KDM2B: variants seen among roughly 807,000 people sequenced by gnomAD.
The protein encoded by KDM2B is lysine demethylase 2B.
Under a neutral mutation model 150.0 loss-of-function variants are expected in KDM2B, and 26 were observed. The observed-to-expected ratio is 0.17, with a 90% CI of 0.13 to 0.24. KDM2B has a LOEUF of 0.24. KDM2B is among the 10% of genes least tolerant of loss of function. The pLI is 1.00. For synonymous variants in KDM2B, 734 were observed against 729.5 expected (o/e 1.01, Z -0.10); for missense variants, 1,265 against 1,816.9 (o/e 0.70, Z 5.52).
At chr12:121,510,660 A>G (rs1363704927) in intron 10 of KDM2B, among the ~76,000 whole-genome samples, 1 of 151,930 alleles carries the variant, frequency 6.6e-6, no homozygotes, top group East Asian at 1.9e-4. Flanking sequence ...GGGTGTGATG[A>G]TGTGCACCTG....
In KDM2B at chr12:121,518,040, A is replaced by T. The variant is rs71454698; in HGVS notation, c.1047+2945T>A. Among the ~76,000 whole-genome samples, 1 of 151,042 alleles carries T rather than the reference A, an allele frequency of 6.6e-6. No homozygotes were observed. The highest frequency in any genetic ancestry group is 1.5e-5 in the Non-Finnish European group (1 of 67,764). On this transcript the variant is annotated intron_variant, in intron 9 of 22. Coordinates refer to ENST00000377071, the MANE Select transcript of KDM2B (RefSeq NM_032590.5). This position sits in a 1 kb window ranked among gnomAD's most constrained non-coding sequence, Gnocchi z 4.4. ...CCTGAGTAGCTGGGATTACAGGCAC[A>T]CACCACCATGCTCGGCTAATTTTTG...
intron 12 of KDM2B, among the ~76,000 whole-genome samples, chr12:121,463,979 CT>C (rs1879472483): frequency 6.6e-6 from 1 of 151,658 alleles, no homozygotes; most frequent in African/African-American, 2.4e-5. Flanking sequence ...AATCCCAACA[CT>C]TTGGAAAGCC....
Position 121,462,546 on chromosome 12 carries a change from T to G in KDM2B, c.1735-9202A>C, listed in dbSNP as rs1019309557. On this transcript the variant is annotated intron_variant, in intron 12 of 22. Transcript: ENST00000377071. Reference sequence around the variant, plus strand: ...TCTCGTACTGTTGCCTGGGCTAGAGTGCAGTGGCACAATCTCAGCTCACTG... The same window carrying G: ...TCTCGTACTGTTGCCTGGGCTAGAGGGCAGTGGCACAATCTCAGCTCACTG... 2.0e-5 allele frequency among the ~76,000 whole-genome samples: 3 copies of G among 151,316 alleles called. No homozygotes were observed. In the Admixed American group the frequency reaches 2.0e-4, roughly 10 times the overall value.
intron 11 of KDM2B, 139 bp downstream of exon 11, chr12:121,509,428 G>A: frequency 1.4e-6 from 2 of 1,438,806 alleles, no homozygotes; most frequent in Non-Finnish European, 1.8e-6. Context: ...TGAGACCCCA[G>A]AAGCCCCCTC....
intron 4 of KDM2B, among the ~76,000 whole-genome samples, chr12:121,555,063 G>A (rs1479618463): frequency 6.6e-6 from 1 of 152,132 alleles, no homozygotes; most frequent in African/African-American, 2.4e-5. Context: ...GCAGACACCA[G>A]TATTCCCAGC....
At position 121,578,805 on chromosome 12, in the gene KDM2B, T is replaced by G; in HGVS notation, c.268A>C (p.Lys90Gln). 1 of 1,565,532 alleles carries G rather than the reference T, an allele frequency of 6.4e-7. No homozygotes were observed. Among genetic ancestry groups the G allele is most frequent in the Non-Finnish European group, 8.7e-7 (1 of 1,151,752 alleles). The part of the protein sequence containing the change: ...QGDFVHAMEG[K>Q]DFNYEYVQRE... The stretch of plus-strand genomic sequence containing the variant: ...GCCCGGGGTGGGGGCGCCTCACCTT[T>G]GCCCTCCATGGCGTGCACGAAGTCC... Residue 90 changes from lysine (K) to glutamine (Q), a missense_variant, in exon 2 of 23, where the codon AAA becomes CAA. By Grantham distance (53) the Lys-to-Gln change is moderately conservative. This residue lies in a region of KDM2B where 214 missense variants were observed against 447.4 expected (regional missense o/e 0.48). Transcript: ENST00000377071.
At chr12:121,510,200 C>T (rs782807968) in intron 10 of KDM2B, among the ~76,000 whole-genome samples, 161 bp from the exon 11 acceptor site, 8 of 152,200 alleles carry the variant, frequency 5.3e-5, no homozygotes, top group African/African-American at 1.9e-4. Flanking sequence ...CCGTGGGGGA[C>T]GCAGGTTCAG....
chr12:121,422,840 G>T, the KDM2B span, among the ~76,000 whole-genome samples: 1 of 152,202 alleles, frequency 6.6e-6, no homozygotes, highest in African/African-American at 2.4e-5. Flanking sequence ...CTTCAGCAGG[G>T]CCAGGAACAC....
At chr12:121,573,280 G>A (rs1163972566) in intron 4 of KDM2B, among the ~76,000 whole-genome samples, 8 of 140,310 alleles carry the variant, frequency 5.7e-5, no homozygotes, top group Non-Finnish European at 9.2e-5. Flanking sequence ...TGTAAACACT[G>A]TTTACTTTTT....
Position 121,467,104 on chromosome 12 carries a change from G to T in KDM2B, c.1735-13760C>A. On this transcript the variant is annotated intron_variant, in intron 12 of 22. Coordinates refer to ENST00000377071, the MANE Select transcript of KDM2B (RefSeq NM_032590.5). The surrounding 1 kb of genome is among the most constrained non-coding windows in gnomAD (Gnocchi z 5.1). ...GCCGCCCTCGGCGCGTCAGACAGGCGGTCGGGAGGTCGTGCGGCGGGTCCC... is the reference window on the plus strand; with the variant it reads ...GCCGCCCTCGGCGCGTCAGACAGGCTGTCGGGAGGTCGTGCGGCGGGTCCC... The T allele has an allele frequency of 9.6e-7, 1 of 1,046,086 alleles. No individual in the cohort carries two copies. Among genetic ancestry groups the T allele is most frequent in the Non-Finnish European group, 1.2e-6 (1 of 836,268 alleles). The allele number at this position is 1,046,086 out of a possible 1,614,324, so 64.8% of individuals were successfully genotyped here.
chr12:121,450,354 A>G (rs1555291276), intron 13 of KDM2B, among the ~76,000 whole-genome samples: 3 of 152,076 alleles, frequency 2.0e-5, no homozygotes. Context: ...GAAAAAAGTA[A>G]ATCAGTTTAA....
chr12:121,515,547 C>T (rs1886098918), intron 9 of KDM2B, among the ~76,000 whole-genome samples: 1 of 132,648 alleles, frequency 7.5e-6, no homozygotes, highest in South Asian at 2.6e-4. Flanking sequence ...TGCCCACCTC[C>T]ACTGCCCTGC....
At chr12:121,523,950 C>A (rs60509490) in intron 8 of KDM2B, among the ~76,000 whole-genome samples, 5,300 of 152,272 alleles carry the variant, frequency 0.035, 329 homozygotes, top group African/African-American at 0.12. Flanking sequence ...TCTCCACATC[C>A]GCTTCAGTCT....
intron 13 of KDM2B, among the ~76,000 whole-genome samples, chr12:121,449,593 G>A (rs1012482906): frequency 1.3e-5 from 2 of 152,278 alleles, no homozygotes; most frequent in African/African-American, 2.4e-5. Flanking sequence ...AGCACACGGG[G>A]GCTGGGAGAT....
At chr12:121,571,653 A>T (rs1314127355) in intron 4 of KDM2B, among the ~76,000 whole-genome samples, 14 of 134,234 alleles carry the variant, frequency 1.0e-4, no homozygotes, top group Non-Finnish European at 2.3e-4. Flanking sequence ...TATGATCTCA[A>T]TTTTTTTTTT....
At chr12:121,445,152 C>A (rs1430517864) in intron 14 of KDM2B, 123 bp downstream of exon 14, 17 of 1,191,736 alleles carry the variant, frequency 1.4e-5, no homozygotes, top group Non-Finnish European at 1.8e-5. Flanking sequence ...CACAGGATCA[C>A]CCAGACTCAG....
At chr12:121,489,448 A>T (rs1335334234) in intron 12 of KDM2B, among the ~76,000 whole-genome samples, 2 of 151,360 alleles carry the variant, frequency 1.3e-5, no homozygotes, top group Non-Finnish European at 2.9e-5. Flanking sequence ...AGAAGCTTTT[A>T]TTTTTTAATG....
intron 17 of KDM2B, chr12:121,443,367 G>C: frequency 1.7e-6 from 1 of 576,994 alleles, no homozygotes; most frequent in South Asian, 2.1e-5. Context: ...GGCCCAGCAG[G>C]AATGGCTAGA....
At position 121,439,773 on chromosome 12, in the gene KDM2B, A is replaced by T; in HGVS notation, c.3829+84T>A. 4 of 986,822 alleles carry T rather than the reference A, an allele frequency of 4.1e-6. No homozygotes were observed. In the South Asian group the frequency reaches 4.1e-5, roughly 10 times the overall value. The allele number at this position is 986,822 out of a possible 1,614,324, so 61.1% of individuals were successfully genotyped here. ...TAGCACTGTGACCACATAGCTGTAG[A>T]CACACGAATCGTTTTCCACAAATGT... On this transcript the variant is annotated intron_variant, in intron 22 of 22. Transcript: ENST00000377071.
Sources: allele counts gnomAD v4.1 joint callset (sites outside exome capture counted in the v4.1 genomes callset), GRCh38; gene constraint gnomAD v4.1.1; regional missense constraint gnomAD v4.1.1; non-coding constraint Gnocchi (gnomAD v3.1); transcripts MANE v1.5; gene names NCBI Gene and HGNC (gene_info 2026-07-23, HGNC 2026-07-21).